GRIN2B: variants seen among roughly 807,000 people sequenced by gnomAD.
GRIN2B encodes the protein glutamate receptor ionotropic, NMDA 2B.
Under a neutral mutation model 114.5 loss-of-function variants are expected in GRIN2B, and 5 were observed. The observed-to-expected ratio is 0.04, with a 90% CI of 0.02 to 0.09. GRIN2B has a LOEUF of 0.09. Ranked by LOEUF, GRIN2B falls within the 10% of genes least tolerant of loss-of-function variation. GRIN2B has a pLI of 1.00. For missense variants in GRIN2B, 1,108 were observed against 1,943.5 expected (o/e 0.57, Z 8.08); for synonymous variants, 787 against 745.1 (o/e 1.06, Z -0.92).
intron 5 of GRIN2B, among the ~76,000 whole-genome samples, chr12:13,668,832 T>C (rs1443991795): frequency 2.0e-5 from 3 of 151,572 alleles, no homozygotes; most frequent in Admixed American, 2.0e-4. Flanking sequence ...AGGAAAGCTA[T>C]GATACAAATT....
At position 13,812,025 on chromosome 12, in the gene GRIN2B, C is replaced by T. The variant is rs77155062; in HGVS notation, c.411+53773G>A. On this transcript the variant is annotated intron_variant, in intron 3 of 13. Transcript: ENST00000609686. ...TTTTCATTAGATTCTCAAAGGTCTC[C>T]GTGACTCGTGGCCAATCTTTCATAG... 2.4e-3 allele frequency among the ~76,000 whole-genome samples: 370 copies of T among 152,142 alleles called. 2 individuals carry two copies. Among genetic ancestry groups the T allele is most frequent in the African/African-American group, 4.0e-3 (168 of 41,510 alleles).
intron 2 of GRIN2B, among the ~76,000 whole-genome samples, chr12:13,880,736 G>A (rs1247007564): frequency 6.6e-6 from 1 of 152,186 alleles, no homozygotes; most frequent in Admixed American, 6.5e-5. Flanking sequence ...TTCTCTACAC[G>A]AAAACTTCCC....
chr12:13,681,219 T>G (rs1021716534), intron 4 of GRIN2B, among the ~76,000 whole-genome samples: 1 of 152,138 alleles, frequency 6.6e-6, no homozygotes, highest in African/African-American at 2.4e-5. Flanking sequence ...AATTAATATC[T>G]GCTAATGTGT....
At chr12:13,674,424 A>G (rs751785157) in intron 5 of GRIN2B, among the ~76,000 whole-genome samples, 12 of 152,088 alleles carry the variant, frequency 7.9e-5, no homozygotes, top group Non-Finnish European at 1.6e-4. Context: ...CTATCTGACA[A>G]GAGAAAATGC....
At chr12:13,611,028 C>T (rs1260898856) in intron 9 of GRIN2B, among the ~76,000 whole-genome samples, 2 of 152,168 alleles carry the variant, frequency 1.3e-5, no homozygotes, top group East Asian at 1.9e-4. Flanking sequence ...GAGTTATTTA[C>T]AAGGATCCCA....
At chr12:13,931,094 A>C (rs1385551128) in intron 2 of GRIN2B, among the ~76,000 whole-genome samples, 1 of 152,244 alleles carries the variant, frequency 6.6e-6, no homozygotes, top group Non-Finnish European at 1.5e-5. Context: ...ACCTAGAAGC[A>C]CTTGAGGTCG....
chr12:13,901,041 A>G (rs1866442162), intron 2 of GRIN2B, among the ~76,000 whole-genome samples: 1 of 152,168 alleles, frequency 6.6e-6, no homozygotes, highest in Non-Finnish European at 1.5e-5. Context: ...CTAAGATTCA[A>G]ATTTAATAGA....
intron 2 of GRIN2B, among the ~76,000 whole-genome samples, chr12:13,955,862 A>G (rs1395131094): frequency 6.6e-6 from 1 of 152,172 alleles, no homozygotes; most frequent in Non-Finnish European, 1.5e-5. Context: ...TGTGAAGATC[A>G]AGAAGATGCA....
At chr12:13,614,971 C>T in intron 8 of GRIN2B, 143 bp downstream of exon 8, 1 of 774,326 alleles carries the variant, frequency 1.3e-6, no homozygotes, top group Non-Finnish European at 2.3e-6. Flanking sequence ...ATTTTGAAGT[C>T]CCCTAAGTGA....
chr12:13,907,992 A>T (rs894738789), intron 2 of GRIN2B, among the ~76,000 whole-genome samples: 1 of 151,956 alleles, frequency 6.6e-6, no homozygotes. Flanking sequence ...GCATTTTTTT[A>T]TTTTAAAAAG....
At chr12:13,628,795 A>T (rs1949594181) in intron 5 of GRIN2B, among the ~76,000 whole-genome samples, 1 of 152,234 alleles carries the variant, frequency 6.6e-6, no homozygotes. Context: ...CCAGACCACA[A>T]ATCTGAATGT....
chr12:13,862,223 A>G (rs1377366531), intron 3 of GRIN2B, among the ~76,000 whole-genome samples: 1 of 152,242 alleles, frequency 6.6e-6, no homozygotes, highest in African/African-American at 2.4e-5. Context: ...AAAAGTGAGC[A>G]CATGCTATTT....
At position 13,696,989 on chromosome 12, in the gene GRIN2B, C is replaced by A. The variant is rs183979675; in HGVS notation, c.1011-21130G>T. 2.0e-5 allele frequency among the ~76,000 whole-genome samples: 3 copies of A among 152,152 alleles called. No individual in the cohort carries two copies. The East Asian group carries it at 5.8e-4, about 29-fold the overall frequency. Reference sequence around the variant, plus strand: ...AAGTCCTAACAAGCAGCAAAATGACCAAAACCCAGCAGGAGGGGAAAGGGT... The same window carrying A: ...AAGTCCTAACAAGCAGCAAAATGACAAAAACCCAGCAGGAGGGGAAAGGGT... On this transcript the variant is annotated intron_variant, in intron 4 of 13. Coordinates refer to ENST00000609686, the MANE Select transcript of GRIN2B (RefSeq NM_000834.5).
intron 3 of GRIN2B, among the ~76,000 whole-genome samples, chr12:13,785,088 G>A (rs1484675365): frequency 6.6e-6 from 1 of 151,940 alleles, no homozygotes; most frequent in Admixed American, 6.5e-5. Flanking sequence ...TTTTAGCTTC[G>A]CAATTCAATT....
At chr12:13,720,015 T>C (rs980049497) in intron 4 of GRIN2B, among the ~76,000 whole-genome samples, 6 of 151,984 alleles carry the variant, frequency 3.9e-5, no homozygotes, top group African/African-American at 7.2e-5. Context: ...CTGGGAAAGG[T>C]TGGCCCCAGG....
intron 3 of GRIN2B, among the ~76,000 whole-genome samples, chr12:13,789,610 T>C (rs1864283129): frequency 6.6e-6 from 1 of 152,222 alleles, no homozygotes; most frequent in Non-Finnish European, 1.5e-5. Flanking sequence ...TTTTCAGCTA[T>C]AAACTGGTGA....
At chr12:13,924,441 G>T (rs1866880836) in intron 2 of GRIN2B, among the ~76,000 whole-genome samples, 1 of 152,152 alleles carries the variant, frequency 6.6e-6, no homozygotes, top group African/African-American at 2.4e-5. Context: ...ATAGAACCCA[G>T]CAGGAGCTGG....
intron 10 of GRIN2B, among the ~76,000 whole-genome samples, chr12:13,575,109 TAGG>T (rs1948757371): frequency 6.6e-6 from 1 of 152,136 alleles, no homozygotes; most frequent in African/African-American, 2.4e-5. Flanking sequence ...ATAGAAAATA[TAGG>T]AGAAAATATT....
chr12:13,765,096 G>A (rs1206515508), intron 3 of GRIN2B, among the ~76,000 whole-genome samples: 1 of 152,144 alleles, frequency 6.6e-6, no homozygotes, highest in Non-Finnish European at 1.5e-5. Context: ...AACAAAATGG[G>A]GGCAACCTTA....
Sources: allele counts gnomAD v4.1 joint callset (sites outside exome capture counted in the v4.1 genomes callset), GRCh38; gene constraint gnomAD v4.1.1; transcripts MANE v1.5; gene names NCBI Gene and HGNC (gene_info 2026-07-23, HGNC 2026-07-21).